PDE8B: variants seen among roughly 807,000 people sequenced by gnomAD.
PDE8B encodes the protein high affinity cAMP-specific and IBMX-insensitive 3',5'-cyclic phosphodiesterase 8B.
In PDE8B, 26 loss-of-function variants were observed where a neutral mutation model predicts 101.3. The observed-to-expected ratio is 0.26, with a 90% confidence interval of 0.19 to 0.36. The LOEUF is 0.36. PDE8B is among the 10% of genes least tolerant of loss of function. The probability of loss-of-function intolerance (pLI) is 1.00; values close to 1 mark genes in which losing one functional copy is unlikely to be tolerated. For synonymous variants in PDE8B, 424 were observed against 429.3 expected (o/e 0.99, Z 0.15); for missense variants, 810 against 1,163.1 (o/e 0.70, Z 4.42).
At chr5:77,146,350 C>T in the PDE8B span, 1 of 150,896 alleles carries the variant, frequency 6.6e-6, no homozygotes, top group African/African-American at 2.5e-5. Flanking sequence ...CCTGGTTTCA[C>T]CCTTGTGGGA....
chr5:77,327,839 G>C (rs1776323761), intron 3 of PDE8B, among the ~76,000 whole-genome samples: 1 of 152,126 alleles, frequency 6.6e-6, no homozygotes, highest in African/African-American at 2.4e-5. Flanking sequence ...CACTTCCTGG[G>C]AATATGGCAG....
chr5:77,225,560 A>T lies in PDE8B; in HGVS notation c.339+14296A>T, dbSNP rs117338244. Among the ~76,000 whole-genome samples the T allele has an allele frequency of 8.5e-5, 13 of 152,158 alleles. 1 individual carries two copies. The East Asian group carries it at 2.3e-3, about 27-fold the overall frequency. On this transcript the variant is annotated intron_variant, in intron 1 of 21. Coordinates refer to ENST00000264917, the MANE Select transcript of PDE8B (RefSeq NM_003719.5). ...AGTCTTTTCTCCCAGGAACCTAATTATTTTTATTGAAAAATGGTATTTAGA... is the reference window on the plus strand; with the variant it reads ...AGTCTTTTCTCCCAGGAACCTAATTTTTTTTATTGAAAAATGGTATTTAGA...
chr5:77,362,667 G>C (rs1324492122), intron 10 of PDE8B, among the ~76,000 whole-genome samples: 1 of 152,178 alleles, frequency 6.6e-6, no homozygotes, highest in African/African-American at 2.4e-5. Context: ...AGGCATCTTT[G>C]AGGAGCACGC....
intron 1 of PDE8B, among the ~76,000 whole-genome samples, chr5:77,278,011 T>C (rs1475377418): frequency 6.6e-6 from 1 of 152,220 alleles, no homozygotes; most frequent in African/African-American, 2.4e-5. Flanking sequence ...GCTGTTGAGC[T>C]AATCAGAGCT....
intron 2 of PDE8B, among the ~76,000 whole-genome samples, chr5:77,318,076 A>AAC: frequency 6.6e-6 from 1 of 151,014 alleles, no homozygotes; most frequent in African/African-American, 2.4e-5. Context: ...AAAAAAAAAA[A>AAC]ACACAACAAC....
chr5:77,384,665 G>C (rs1019340894), intron 10 of PDE8B, among the ~76,000 whole-genome samples: 1 of 152,090 alleles, frequency 6.6e-6, no homozygotes, highest in Non-Finnish European at 1.5e-5. Context: ...CTAGTTTATT[G>C]AGAGTTTTTA....
intron 2 of PDE8B, among the ~76,000 whole-genome samples, chr5:77,315,685 T>C (rs1169390072): frequency 6.6e-6 from 1 of 152,256 alleles, no homozygotes; most frequent in African/African-American, 2.4e-5. Context: ...AGTGGATTTG[T>C]TGAAATCATC....
At chr5:77,242,604 A>G (rs1414893817) in intron 1 of PDE8B, among the ~76,000 whole-genome samples, 1 of 152,240 alleles carries the variant, frequency 6.6e-6, no homozygotes, top group Non-Finnish European at 1.5e-5. Flanking sequence ...ACTTTAAGAC[A>G]TCAGCTCCTT....
At chr5:77,360,812 A>T (rs1361093359) in intron 10 of PDE8B, among the ~76,000 whole-genome samples, 1 of 152,112 alleles carries the variant, frequency 6.6e-6, no homozygotes, top group East Asian at 1.9e-4. Context: ...TCTTGACTCC[A>T]TGCCCACTTC....
At chr5:77,137,263 G>A in the PDE8B span, among the ~76,000 whole-genome samples, 3 of 152,202 alleles carry the variant, frequency 2.0e-5, no homozygotes, top group Non-Finnish European at 2.9e-5. Flanking sequence ...TAGCTAGCTT[G>A]TGCAGAACAC....
At chr5:77,405,647 G>A (rs1793272835) in intron 12 of PDE8B, among the ~76,000 whole-genome samples, 1 of 152,088 alleles carries the variant, frequency 6.6e-6, no homozygotes, top group Non-Finnish European at 1.5e-5. Flanking sequence ...CAGGGGGTGG[G>A]CAGTGGAAAT....
chr5:77,252,779 G>A (rs1758332341), intron 1 of PDE8B, among the ~76,000 whole-genome samples: 1 of 152,152 alleles, frequency 6.6e-6, no homozygotes, highest in Admixed American at 6.5e-5. Flanking sequence ...TTTTTGATGA[G>A]TAGAACACTG....
chr5:77,413,797 CTT>C (rs1795006312), intron 17 of PDE8B, among the ~76,000 whole-genome samples: 1 of 152,132 alleles, frequency 6.6e-6, no homozygotes, highest in South Asian at 2.1e-4. Flanking sequence ...ATATTAATGA[CTT>C]TTGCATAATT....
At chr5:77,286,049 C>T (rs935429931) in intron 1 of PDE8B, among the ~76,000 whole-genome samples, 2 of 151,976 alleles carry the variant, frequency 1.3e-5, no homozygotes, top group Non-Finnish European at 2.9e-5. Flanking sequence ...TTGGGAATTC[C>T]AACATCTGGG....
At chr5:77,210,122 G>A (rs918759631), upstream of PDE8B, among the ~76,000 whole-genome samples, 7 of 152,144 alleles carry the variant, frequency 4.6e-5, no homozygotes, top group Admixed American at 4.6e-4. The surrounding 1 kb of genome is among the most constrained non-coding windows in gnomAD (Gnocchi z 4.9). Context: ...GGGGCCTCCT[G>A]GTGTTTAGCT....
chr5:77,292,173 T>C (rs1767512968), intron 1 of PDE8B, among the ~76,000 whole-genome samples: 1 of 152,144 alleles, frequency 6.6e-6, no homozygotes, highest in African/African-American at 2.4e-5. Flanking sequence ...TGAGTGTTGG[T>C]TGCGCAGATG....
chr5:77,418,147 C>G (rs1258415079), intron 17 of PDE8B, 82 bp from the exon 18 acceptor site: 1 of 932,364 alleles, frequency 1.1e-6, no homozygotes, highest in African/African-American at 1.6e-5. Context: ...ATCCCCTGAC[C>G]CGACCCTCCG....
chr5:77,417,278 C>T (rs1419170540), intron 17 of PDE8B, among the ~76,000 whole-genome samples: 3 of 152,190 alleles, frequency 2.0e-5, no homozygotes, highest in Non-Finnish European at 4.4e-5. Context: ...CTGCCCTAAA[C>T]TAGACCAGGT....
At chr5:77,357,482 T>C (rs1782322002) in intron 10 of PDE8B, among the ~76,000 whole-genome samples, 1 of 152,150 alleles carries the variant, frequency 6.6e-6, no homozygotes, top group Admixed American at 6.5e-5. Context: ...GTAAGATTTT[T>C]TTTCCTGGCA....
Sources: allele counts gnomAD v4.1 joint callset (sites outside exome capture counted in the v4.1 genomes callset), GRCh38; gene constraint gnomAD v4.1.1; non-coding constraint Gnocchi (gnomAD v3.1); transcripts MANE v1.5; gene names NCBI Gene and HGNC (gene_info 2026-07-23, HGNC 2026-07-21).